The following EPHA7 variants were observed in gnomAD, a reference collection of about 807,000 sequenced individuals.
EPHA7 encodes EPH receptor A7.
A neutral mutation model predicts 112.6 loss-of-function variants in EPHA7; 25 were observed. The observed-to-expected ratio is 0.22, with a 90% CI of 0.16 to 0.31. The LOEUF (loss-of-function observed/expected upper bound fraction) is 0.31, where lower values mean the gene tolerates loss of function less well. Among genes scored for constraint, EPHA7 ranks in the 10% least tolerant of loss-of-function variants. EPHA7 has a pLI of 1.00. For synonymous variants in EPHA7, 437 were observed against 406.5 expected, an observed-to-expected ratio of 1.07 and a Z score of -0.90; for missense variants, 962 against 1,212.6, an observed-to-expected ratio of 0.79 and a Z score of 3.07.
chr6:93,334,001 T>C (rs147522054), intron 5 of EPHA7, among the ~76,000 whole-genome samples: 13 of 151,986 alleles, frequency 8.6e-5, no homozygotes, highest in African/African-American at 2.9e-4. Context: ...ATTCTAGGCA[T>C]CATGTTACCA....
chr6:93,356,663 C>T (rs1775961753), intron 5 of EPHA7, 54 bp downstream of exon 5: 2 of 1,459,660 alleles, frequency 1.4e-6, no homozygotes, highest in Middle Eastern at 3.6e-4. Context: ...AAGTAAGACA[C>T]CTCACTTAGG....
chr6:93,248,320 GA>G (rs929572867), intron 14 of EPHA7, among the ~76,000 whole-genome samples: 34 of 151,434 alleles, frequency 2.2e-4, no homozygotes, highest in Middle Eastern at 3.4e-3. Flanking sequence ...AACAATATTT[GA>G]AAAAAAATTC....
chr6:93,297,278 C>G (rs1261925319), intron 5 of EPHA7, among the ~76,000 whole-genome samples: 2 of 151,962 alleles, frequency 1.3e-5, no homozygotes, highest in African/African-American at 4.8e-5. Context: ...CCAAGATCAC[C>G]AAACTTGTAA....
intron 3 of EPHA7, among the ~76,000 whole-genome samples, chr6:93,403,018 A>AT (rs778506823): frequency 5.9e-5 from 9 of 152,100 alleles, no homozygotes; most frequent in Non-Finnish European, 1.2e-4. Context: ...CAGTTATATT[A>AT]TCTTCACATG....
At chr6:93,345,418 C>G (rs1048710128) in intron 5 of EPHA7, among the ~76,000 whole-genome samples, 1 of 151,722 alleles carries the variant, frequency 6.6e-6, no homozygotes, top group Admixed American at 6.6e-5. Flanking sequence ...GTGTCTTAAA[C>G]AAGGCAAGCA....
chr6:93,298,401 G>C (rs968705310), intron 5 of EPHA7, among the ~76,000 whole-genome samples: 3 of 151,910 alleles, frequency 2.0e-5, no homozygotes, highest in Non-Finnish European at 4.4e-5. Flanking sequence ...TCATATCAGA[G>C]CCATAAACCA....
At chr6:93,335,826 T>A (rs900689396) in intron 5 of EPHA7, among the ~76,000 whole-genome samples, 1 of 152,078 alleles carries the variant, frequency 6.6e-6, no homozygotes. Context: ...AATGGAAAAT[T>A]TTCTATTTAG....
intron 5 of EPHA7, among the ~76,000 whole-genome samples, chr6:93,283,443 C>G (rs970431016): frequency 1.3e-5 from 2 of 152,080 alleles, no homozygotes; most frequent in Non-Finnish European, 2.9e-5. Flanking sequence ...AGCTTTTTCA[C>G]TCTTTGTGAT....
intron 14 of EPHA7, among the ~76,000 whole-genome samples, chr6:93,251,164 T>C (rs1770190888): frequency 6.6e-6 from 1 of 152,080 alleles, no homozygotes; most frequent in Admixed American, 6.6e-5. Flanking sequence ...TATGAGATTT[T>C]GGCAAAGTTT....
Position 93,243,291 on chromosome 6 carries a change from G to C in EPHA7, c.*135C>G. The C allele has an allele frequency of 1.7e-6, 1 of 571,562 alleles. No individual in the cohort carries two copies. Among genetic ancestry groups the C allele is most frequent in the Non-Finnish European group, 3.0e-6 (1 of 329,410 alleles). The allele number at this position is 571,562 out of a possible 1,614,324, so 35.4% of individuals were successfully genotyped here. A position where few individuals can be genotyped will look rare whatever the true frequency, so the allele number is the denominator to read the frequency against. On this transcript the variant is annotated 3_prime_UTR_variant, in exon 17 of 17. Transcript: ENST00000369303. ...CACTTAGGAGTTCAAGTCTATAGGT[G>C]CTTCTTAAATCTTCTCTTCACTGTT...
intron 5 of EPHA7, among the ~76,000 whole-genome samples, chr6:93,324,621 CT>C (rs958954138): frequency 1.6e-4 from 25 of 151,526 alleles, no homozygotes; most frequent in Admixed American, 3.3e-4. Flanking sequence ...AGTTGCCACA[CT>C]CTAAAAAAAT....
At position 93,264,619 on chromosome 6, in the gene EPHA7, C is replaced by A; in HGVS notation, c.1717G>T (p.Val573Phe). The A allele has an allele frequency of 6.2e-7, 1 of 1,606,872 alleles. No homozygotes were observed. Among genetic ancestry groups the A allele is most frequent in the Non-Finnish European group, 8.5e-7 (1 of 1,175,414 alleles). ...CTTCTCCCAATGATGAAGCCAAAGA[C>A]CATGAACACCAAAATGATGGTCCCA... The part of the protein sequence containing the change: ...VAGTIILVFM[V>F]FGFIIGRRHC... The change falls in exon 8 of 17, where the codon GTC becomes TTC. Residue 573 changes from valine (V) to phenylalanine (F), a missense_variant. Physicochemically the swap from Val to Phe is conservative, Grantham distance 50. Around this residue, in one of 3 missense-constraint regions of EPHA7, gnomAD observed 746 missense variants for 889.2 expected, o/e 0.84. Coordinates refer to ENST00000369303, the MANE Select transcript of EPHA7 (RefSeq NM_004440.4).
intron 5 of EPHA7, among the ~76,000 whole-genome samples, chr6:93,276,633 G>A (rs9445091): frequency 0.45 from 67,762 of 151,838 alleles, 15,973 homozygotes; most frequent in South Asian, 0.7. Flanking sequence ...ATGAATACAT[G>A]TAGTAAAAAA....
chr6:93,323,791 T>C (rs1386511218), intron 5 of EPHA7, among the ~76,000 whole-genome samples: 2 of 151,474 alleles, frequency 1.3e-5, no homozygotes, highest in Non-Finnish European at 3.0e-5. Context: ...AAATGCCAGA[T>C]ACCCTGACAA....
intron 3 of EPHA7, among the ~76,000 whole-genome samples, chr6:93,369,180 CCACACACACACACACACACA>C (rs35708007): frequency 2.1e-5 from 3 of 144,822 alleles, no homozygotes; most frequent in Non-Finnish European, 4.5e-5. Context: ...AAAATAAAGG[CCACACACACACACACACACA>C]CACACACACA....
intron 5 of EPHA7, among the ~76,000 whole-genome samples, chr6:93,344,457 T>G (rs1775292874): frequency 6.6e-6 from 1 of 151,628 alleles, no homozygotes; most frequent in Admixed American, 6.6e-5. Flanking sequence ...TTTCCAAACA[T>G]AATTCAGACT....
intron 3 of EPHA7, among the ~76,000 whole-genome samples, chr6:93,382,583 G>A (rs1037049511): frequency 6.6e-6 from 1 of 152,060 alleles, no homozygotes; most frequent in Non-Finnish European, 1.5e-5. Flanking sequence ...AGTTTGCTTT[G>A]TCATTTCTCT....
intron 3 of EPHA7, among the ~76,000 whole-genome samples, chr6:93,385,870 T>C (rs890670936): frequency 1.3e-5 from 2 of 152,168 alleles, no homozygotes; most frequent in Non-Finnish European, 2.9e-5. Flanking sequence ...AACATAATCA[T>C]GGTGGAAGGG....
chr6:93,359,614 C>G (rs1293272740), intron 3 of EPHA7, among the ~76,000 whole-genome samples: 5 of 151,872 alleles, frequency 3.3e-5, no homozygotes, highest in African/African-American at 1.2e-4. Flanking sequence ...GCATGGAAAG[C>G]AAGAACAATC....
Sources: allele counts gnomAD v4.1 joint callset (sites outside exome capture counted in the v4.1 genomes callset), GRCh38; gene constraint gnomAD v4.1.1; regional missense constraint gnomAD v4.1.1; transcripts MANE v1.5; gene names NCBI Gene and HGNC (gene_info 2026-07-23, HGNC 2026-07-21).